The following ZNF462 variants were observed in gnomAD, a reference collection of about 807,000 sequenced individuals.
ZNF462 encodes zinc finger PBX1-interacting protein.
Under a neutral mutation model 201.9 loss-of-function variants are expected in ZNF462, and 10 were observed. That is an observed-to-expected ratio of 0.05 (90% CI 0.03 to 0.08). ZNF462 has a LOEUF of 0.08. Ranked by LOEUF, ZNF462 falls within the 10% of genes least tolerant of loss-of-function variation. The pLI is 1.00. For synonymous variants in ZNF462, 1,227 were observed against 1,193.3 expected, an observed-to-expected ratio of 1.03 and a Z score of -0.58; for missense variants, 2,523 against 3,168.3, an observed-to-expected ratio of 0.80 and a Z score of 4.89.
At position 106,927,226 on chromosome 9, in the gene ZNF462, C is replaced by T. The variant is rs200925233; in HGVS notation, c.3314C>T (p.Pro1105Leu). ...NMGSPPPPQP[P>L]PPDLSTELYY... is the part of the protein sequence containing the mutation. ...GGTTCCCCACCCCCCCCACAACCCCCGCCACCAGACCTCAGTACTGAGCTT... is the reference window on the plus strand; with the variant it reads ...GGTTCCCCACCCCCCCCACAACCCCTGCCACCAGACCTCAGTACTGAGCTT... The change falls in exon 3 of 13, where the codon CCG (proline) becomes CTG (leucine). Residue 1105 changes from proline (P) to leucine (L), a missense_variant. This residue lies in a region of ZNF462 where 280 missense variants were observed against 321.3 expected (regional missense o/e 0.87). Transcript: ENST00000277225. 284 of 1,611,526 alleles carry T rather than the reference C, an allele frequency of 1.8e-4. No homozygotes were observed. The highest frequency in any genetic ancestry group is 8.7e-4 in the East Asian group (39 of 44,822).
Position 106,926,318 on chromosome 9 carries a change from C to T in ZNF462, c.2406C>T (p.Gly802=). 1 of 1,614,144 alleles carries T rather than the reference C, an allele frequency of 6.2e-7. No homozygotes were observed. Reference sequence around the variant, plus strand: ...CTGAAGATGAAGAGGATTATTATGGCTCCTCAACAAACTTGAAAGATCACC... The same window carrying T: ...CTGAAGATGAAGAGGATTATTATGGTTCCTCAACAAACTTGAAAGATCACC... ...TLSEDEEDYY[G]SSTNLKDHQV... The change falls in exon 3 of 13, where the codon GGC becomes GGT. Residue 802 remains glycine, a synonymous_variant. Coordinates refer to ENST00000277225, the MANE Select transcript of ZNF462 (RefSeq NM_021224.6). This position sits in a 1 kb window ranked among gnomAD's most constrained non-coding sequence, Gnocchi z 7.9.
rs1436395915 is a variant in ZNF462 at position 106,981,402 on chromosome 9, C to T, written c.6833-2784C>T. Among the ~76,000 whole-genome samples the T allele has an allele frequency of 3.3e-5, 5 of 152,168 alleles. No individual in the cohort carries two copies. The highest frequency in any genetic ancestry group is 1.2e-4 in the African/African-American group (5 of 41,444). ...AGGGCCCTGGCAGAGATCAGAAGAC[C>T]TGTGTTCCCAGGTCACAGCTTTGTG... is the stretch of plus-strand genomic sequence containing the variant. On this transcript the variant is annotated intron_variant, in intron 9 of 12. Transcript: ENST00000277225. The surrounding 1 kb of genome is among the most constrained non-coding windows in gnomAD (Gnocchi z 4.0).
In ZNF462 at chr9:106,938,960, A is replaced by G; in HGVS notation, c.6280A>G (p.Thr2094Ala). ...KCSWCSFSTM[T>A]ISQLKEHSLK... ...TTCTTGGTGCTCATTCTCCACCATG[A>G]CAATCAGCCAGCTGAAGGAACACTC... The change falls in exon 7 of 13, where the codon ACA (threonine) becomes GCA (alanine). Residue 2094 changes from threonine to alanine, a missense_variant. Physicochemically the swap from Thr to Ala is moderately conservative, Grantham distance 58 (BLOSUM62 0). Transcript: ENST00000277225. This position sits in a 1 kb window ranked among gnomAD's most constrained non-coding sequence, Gnocchi z 4.4. The G allele has an allele frequency of 6.2e-7, 1 of 1,613,432 alleles. No individual in the cohort carries two copies. The highest frequency in any genetic ancestry group is 1.1e-5 in the South Asian group (1 of 90,964).
chr9:106,999,474 G>T (rs1417903555), intron 10 of ZNF462, among the ~76,000 whole-genome samples: 1 of 152,146 alleles, frequency 6.6e-6, no homozygotes, highest in Non-Finnish European at 1.5e-5. Flanking sequence ...ATAGTGGAAA[G>T]CCAGAAATCA....
Position 106,991,161 on chromosome 9 carries a change from G to A in ZNF462, c.7056+6752G>A, listed in dbSNP as rs1034663551. Among the ~76,000 whole-genome samples, 6 of 151,796 alleles carry A rather than the reference G, an allele frequency of 4.0e-5. No homozygotes were observed. In the East Asian group the frequency reaches 5.8e-4, roughly 15 times the overall value. On this transcript the variant is annotated intron_variant, in intron 10 of 12. Coordinates refer to ENST00000277225, the MANE Select transcript of ZNF462 (RefSeq NM_021224.6). ...TTTGATTTTTATAGGGAGAAAATCC[G>A]CAGAATCTACAAAAAAAAGCTACTA... is the stretch of plus-strand genomic sequence containing the variant.
In ZNF462 at chr9:107,003,163, C is replaced by T. The variant is rs377030427; in HGVS notation, c.7057-131C>T. 3.4e-6 allele frequency: 4 copies of T among 1,192,304 alleles called. No individual in the cohort carries two copies. In the African/African-American group the frequency reaches 6.1e-5, roughly 18 times the overall value. The allele number at this position is 1,192,304 out of a possible 1,614,324, so 73.9% of individuals were successfully genotyped here. A position where few individuals can be genotyped will look rare whatever the true frequency, so the allele number is the denominator to read the frequency against. ...AAAACGAAGAAAAAGACCTCTTAGG[C>T]CCCGGAGTTGTTTGGTCCTGGTTGC... On this transcript the variant is annotated intron_variant, in intron 10 of 12. Coordinates refer to ENST00000277225, the MANE Select transcript of ZNF462 (RefSeq NM_021224.6). The surrounding 1 kb of genome is among the most constrained non-coding windows in gnomAD (Gnocchi z 4.4).
Position 106,979,622 on chromosome 9 carries a change from G to A in ZNF462, c.6833-4564G>A, listed in dbSNP as rs537728299. 2.0e-5 allele frequency: 3 copies of A among 151,568 alleles called. No individual in the cohort carries two copies. In the South Asian group the frequency reaches 6.2e-4, roughly 31 times the overall value. 9.4% of individuals were successfully genotyped at this position (151,568 alleles called of 1,614,324 possible). A position where few individuals can be genotyped will look rare whatever the true frequency, so the allele number is the denominator to read the frequency against. Reference sequence around the variant, plus strand: ...GTAGGGATACAGCCATGAAGAGTCAGGCAAGGTTTCTGCACTGAAGGAATT... The same window carrying A: ...GTAGGGATACAGCCATGAAGAGTCAAGCAAGGTTTCTGCACTGAAGGAATT... On this transcript the variant is annotated intron_variant, in intron 9 of 12. Coordinates refer to ENST00000277225, the MANE Select transcript of ZNF462 (RefSeq NM_021224.6).
Position 106,962,674 on chromosome 9 carries a change from T to G in ZNF462, c.6428-9331T>G, listed in dbSNP as rs540539400. On this transcript the variant is annotated intron_variant, in intron 7 of 12. Transcript: ENST00000277225. The surrounding 1 kb of genome is among the most constrained non-coding windows in gnomAD (Gnocchi z 4.6). ...TTTCTCAATCTATTCCCTGATCATATTTCAAGGTTTTGTTTTTACTCATCA... is the reference window on the plus strand; with the variant it reads ...TTTCTCAATCTATTCCCTGATCATAGTTCAAGGTTTTGTTTTTACTCATCA... 1.1e-4 allele frequency among the ~76,000 whole-genome samples: 16 copies of G among 152,194 alleles called. No individual in the cohort carries two copies. Among genetic ancestry groups the G allele is most frequent in the Admixed American group, 3.3e-4 (5 of 15,260 alleles).
intron 10 of ZNF462, among the ~76,000 whole-genome samples, chr9:106,986,286 A>G (rs900800625): frequency 6.6e-6 from 1 of 152,200 alleles, no homozygotes; most frequent in East Asian, 1.9e-4. Flanking sequence ...ATAGGGCCCA[A>G]TTAAGAGCTT....
At chr9:106,877,220 A>G (rs942326920) in intron 1 of ZNF462, among the ~76,000 whole-genome samples, 9 of 151,274 alleles carry the variant, frequency 5.9e-5, no homozygotes, top group African/African-American at 2.2e-4. Context: ...GTTAGTGGGA[A>G]AGATGAAGAA....
rs1035566199 is a variant in ZNF462, at chr9:106,963,731, A to G, written c.6428-8274A>G. 2.0e-5 allele frequency among the ~76,000 whole-genome samples: 3 copies of G among 152,194 alleles called. No homozygotes were observed. Among genetic ancestry groups the G allele is most frequent in the African/African-American group, 7.2e-5 (3 of 41,544 alleles). ...GAATTTACCCTCTTAACAAATTTCT[A>G]AGTATATAGGATAGTATTGTTAACT... is the stretch of plus-strand genomic sequence containing the variant. On this transcript the variant is annotated intron_variant, in intron 7 of 12. Transcript: ENST00000277225. This position sits in a 1 kb window ranked among gnomAD's most constrained non-coding sequence, Gnocchi z 4.7.
At chr9:107,004,351 A>AT (rs1176528825) in intron 11 of ZNF462, among the ~76,000 whole-genome samples, 1 of 152,102 alleles carries the variant, frequency 6.6e-6, no homozygotes, top group African/African-American at 2.4e-5. Context: ...TTTATATAAC[A>AT]TTTTTCTTTA....
At chr9:106,995,350 T>C (rs1226758060) in intron 10 of ZNF462, among the ~76,000 whole-genome samples, 3 of 152,198 alleles carry the variant, frequency 2.0e-5, no homozygotes, top group Non-Finnish European at 4.4e-5. Flanking sequence ...GTTTTTAATA[T>C]TCTTAGGCTT....
rs1830200986 is a variant in ZNF462 at position 106,926,568 on chromosome 9, T to C, written c.2656T>C (p.Tyr886His). ...ILDPNDHSAVYRCLECYIDYT... is the reference protein window; with the variant it reads ...ILDPNDHSAVHRCLECYIDYT... ...GGACCCCAATGATCACAGTGCAGTGTACAGGTGCCTGGAATGCTACATCGA... is the reference window on the plus strand; with the variant it reads ...GGACCCCAATGATCACAGTGCAGTGCACAGGTGCCTGGAATGCTACATCGA... Residue 886 changes from tyrosine to histidine, a missense_variant, in exon 3 of 13, where the codon TAC (tyrosine) becomes CAC (histidine). Physicochemically the swap from Tyr to His is moderately conservative, Grantham distance 83. This residue lies in a region of ZNF462 where 280 missense variants were observed against 321.3 expected (regional missense o/e 0.87). Transcript: ENST00000277225. The surrounding 1 kb of genome is among the most constrained non-coding windows in gnomAD (Gnocchi z 7.9). 3 of 1,614,146 alleles carry C rather than the reference T, an allele frequency of 1.9e-6. No individual in the cohort carries two copies. The highest frequency in any genetic ancestry group is 2.5e-6 in the Non-Finnish European group (3 of 1,180,030).
chr9:106,945,752 A>G (rs764740520), intron 7 of ZNF462, among the ~76,000 whole-genome samples: 4 of 152,212 alleles, frequency 2.6e-5, no homozygotes, highest in East Asian at 1.9e-4. Context: ...CTATGTTTCT[A>G]TATTTCTACT....
At chr9:106,957,796 T>C (rs1444498521) in intron 7 of ZNF462, among the ~76,000 whole-genome samples, 7 of 152,148 alleles carry the variant, frequency 4.6e-5, no homozygotes, top group Non-Finnish European at 8.8e-5. Context: ...TGAGAGTGTG[T>C]ATTCAGGAAA....
chr9:106,983,319 CAG>C (rs1397598308), intron 9 of ZNF462, among the ~76,000 whole-genome samples: 1 of 152,160 alleles, frequency 6.6e-6, no homozygotes, highest in Non-Finnish European at 1.5e-5. Context: ...AATCAGATTA[CAG>C]ACTGTCTAAA....
Position 106,902,415 on chromosome 9 carries a change from T to G in ZNF462, c.-30-20939T>G, listed in dbSNP as rs905265571. Among the ~76,000 whole-genome samples, 3 of 152,108 alleles carry G rather than the reference T, an allele frequency of 2.0e-5. No individual in the cohort carries two copies. Among genetic ancestry groups the G allele is most frequent in the African/African-American group, 7.2e-5 (3 of 41,418 alleles). On this transcript the variant is annotated intron_variant, in intron 1 of 12. Coordinates refer to ENST00000277225, the MANE Select transcript of ZNF462 (RefSeq NM_021224.6). This position sits in a 1 kb window ranked among gnomAD's most constrained non-coding sequence, Gnocchi z 4.2. ...TTATGTCGTTTCCTGGTTTTGGTAT[T>G]AGAGTGCTGCTGGATTCATAGAATG...
chr9:106,892,868 G>C (rs1588011236), intron 1 of ZNF462, among the ~76,000 whole-genome samples: 1 of 152,274 alleles, frequency 6.6e-6, no homozygotes, highest in Non-Finnish European at 1.5e-5. Flanking sequence ...ACAGCTGTGA[G>C]TCACCCTGGC....
Sources: allele counts gnomAD v4.1 joint callset (sites outside exome capture counted in the v4.1 genomes callset), GRCh38; gene constraint gnomAD v4.1.1; regional missense constraint gnomAD v4.1.1; non-coding constraint Gnocchi (gnomAD v3.1); transcripts MANE v1.5; gene names NCBI Gene and HGNC (gene_info 2026-07-23, HGNC 2026-07-21).